Variants in HPSE2 observed in about 807,000 individuals in gnomAD.
The protein encoded by HPSE2 is inactive heparanase-2.
A neutral mutation model predicts 60.5 loss-of-function variants in HPSE2; 38 were observed. The ratio of observed to expected loss-of-function variants is 0.63; its 90% CI spans 0.48 to 0.82. The LOEUF (loss-of-function observed/expected upper bound fraction) is 0.82, where lower values mean the gene tolerates loss of function less well. HPSE2 is among the 40% of genes least tolerant of loss of function. The pLI, the probability that HPSE2 is intolerant of heterozygous loss-of-function variation, is 0.00. For missense variants in HPSE2, 713 were observed against 740.4 expected (o/e 0.96, Z 0.43); for synonymous variants, 295 against 293.2 (o/e 1.01, Z -0.06).
chr10:99,194,028 C>T (rs1039128034), intron 2 of HPSE2, among the ~76,000 whole-genome samples: 18 of 151,982 alleles, frequency 1.2e-4, no homozygotes, highest in African/African-American at 4.3e-4. Context: ...CACGTAAGGC[C>T]ACAAAACAAC....
chr10:98,796,520 A>C (rs1186175692), intron 3 of HPSE2, among the ~76,000 whole-genome samples: 1 of 152,206 alleles, frequency 6.6e-6, no homozygotes, highest in African/African-American at 2.4e-5. Flanking sequence ...ATGGAACATC[A>C]GGTAAATTTC....
At chr10:99,064,755 C>A (rs1322800977) in intron 3 of HPSE2, among the ~76,000 whole-genome samples, 4 of 150,612 alleles carry the variant, frequency 2.7e-5, no homozygotes, top group Non-Finnish European at 4.4e-5. Context: ...TAAGGTGATA[C>A]ACAGTATGAA....
At chr10:99,025,520 TA>T (rs1287471849) in intron 3 of HPSE2, among the ~76,000 whole-genome samples, 18 of 151,920 alleles carry the variant, frequency 1.2e-4, no homozygotes, top group South Asian at 6.2e-4. Flanking sequence ...TACACAGCCA[TA>T]AAAAAAGAAC....
chr10:98,679,667 T>A (rs1269524669), intron 6 of HPSE2, among the ~76,000 whole-genome samples: 1 of 152,116 alleles, frequency 6.6e-6, no homozygotes, highest in Non-Finnish European at 1.5e-5. Context: ...TACATGGAAA[T>A]AAGAACACTT....
chr10:99,002,280 A>C (rs1175810970), intron 3 of HPSE2, among the ~76,000 whole-genome samples: 2 of 152,164 alleles, frequency 1.3e-5, no homozygotes, highest in African/African-American at 4.8e-5. Context: ...ATTGATGTAG[A>C]TATTCCATCC....
At chr10:98,742,530 T>C (rs573551342) in intron 4 of HPSE2, among the ~76,000 whole-genome samples, 3 of 152,256 alleles carry the variant, frequency 2.0e-5, no homozygotes, top group East Asian at 3.9e-4. Flanking sequence ...TTCAATTGTT[T>C]TGTTCTAAAG....
intron 9 of HPSE2, among the ~76,000 whole-genome samples, chr10:98,524,824 T>C (rs2133784034): frequency 6.6e-6 from 1 of 152,360 alleles, no homozygotes; most frequent in African/African-American, 2.4e-5. Flanking sequence ...ACAAATGCTC[T>C]TATGTTATTA....
intron 3 of HPSE2, among the ~76,000 whole-genome samples, chr10:98,810,888 A>G (rs2134569760): frequency 6.6e-6 from 1 of 152,228 alleles, no homozygotes; most frequent in African/African-American, 2.4e-5. Context: ...CATGGTTTGG[A>G]CAAGTTTTTT....
chr10:98,972,172 G>C (rs919272573), intron 3 of HPSE2, among the ~76,000 whole-genome samples: 1 of 151,892 alleles, frequency 6.6e-6, no homozygotes, highest in African/African-American at 2.4e-5. Context: ...ACATGTGTTT[G>C]TTAGCTTTTA....
intron 9 of HPSE2, among the ~76,000 whole-genome samples, chr10:98,524,200 G>A (rs1467531426): frequency 1.3e-5 from 2 of 152,340 alleles, no homozygotes; most frequent in Non-Finnish European, 2.9e-5. Context: ...CTTTGTAAAT[G>A]AAGTCCAATG....
At chr10:99,051,307 C>T (rs1957986160) in intron 3 of HPSE2, among the ~76,000 whole-genome samples, 1 of 152,070 alleles carries the variant, frequency 6.6e-6, no homozygotes. Flanking sequence ...GGAACAGAAC[C>T]TGCAATATTT....
chr10:98,722,391 A>G (rs1321930449), intron 4 of HPSE2, among the ~76,000 whole-genome samples: 1 of 151,792 alleles, frequency 6.6e-6, no homozygotes, highest in Admixed American at 6.6e-5. Flanking sequence ...GGCATGGAAT[A>G]GATTCTCTCT....
chr10:98,688,114 G>C (rs1226523996), intron 6 of HPSE2, among the ~76,000 whole-genome samples: 2 of 151,804 alleles, frequency 1.3e-5, no homozygotes, highest in East Asian at 3.9e-4. Flanking sequence ...TTTTTAAAGG[G>C]ACTGCTGTAG....
chr10:99,168,140 G>A (rs1043006205), intron 2 of HPSE2, among the ~76,000 whole-genome samples: 4 of 147,750 alleles, frequency 2.7e-5, no homozygotes, highest in African/African-American at 9.9e-5. Context: ...CTTTGTAGGA[G>A]TTTGAATTGC....
chr10:99,048,247 A>G (rs746653598), intron 3 of HPSE2: 36 of 550,668 alleles, frequency 6.5e-5, no homozygotes, highest in Non-Finnish European at 1.1e-4. Flanking sequence ...GCTTCAAAGA[A>G]GCAAATAACT....
chr10:98,709,005 A>G (rs1948614076), intron 5 of HPSE2, among the ~76,000 whole-genome samples: 1 of 152,176 alleles, frequency 6.6e-6, no homozygotes, highest in Admixed American at 6.5e-5. Flanking sequence ...TCTATATCTT[A>G]TATGCAGAAA....
chr10:99,286,645 T>C, the HPSE2 span, among the ~76,000 whole-genome samples: 29 of 152,204 alleles, frequency 1.9e-4, no homozygotes, highest in Non-Finnish European at 7.3e-5. Context: ...TATAATGACA[T>C]TGAATTATAC....
chr10:98,555,751 G>A (rs1203419762), intron 9 of HPSE2, among the ~76,000 whole-genome samples: 2 of 152,142 alleles, frequency 1.3e-5, no homozygotes, highest in East Asian at 3.8e-4. Context: ...TGGAATAAAG[G>A]CATTGTAACT....
chr10:98,763,089 C>T (rs553655411), intron 3 of HPSE2, among the ~76,000 whole-genome samples: 1 of 150,344 alleles, frequency 6.7e-6, no homozygotes, highest in African/African-American at 2.4e-5. Context: ...AATACCAGAA[C>T]AAAAATGACA....
Sources: gnomAD v4.1 joint callset for allele counts (sites outside exome capture counted in the v4.1 genomes callset) on GRCh38, gnomAD v4.1.1 for gene constraint, MANE v1.5 for transcripts, NCBI Gene and HGNC (gene_info 2026-07-23, HGNC 2026-07-21) for gene names.